AHRR: variants seen among roughly 807,000 people sequenced by gnomAD.
AHRR encodes aryl hydrocarbon receptor repressor.
A neutral mutation model predicts 44.0 loss-of-function variants in AHRR; 28 were observed. The observed-to-expected ratio is 0.64, with a 90% CI of 0.47 to 0.87. The LOEUF (loss-of-function observed/expected upper bound fraction) is 0.87, where lower values mean the gene tolerates loss of function less well. AHRR is among the 40% of genes least tolerant of loss of function. The pLI, the probability that AHRR is intolerant of heterozygous loss-of-function variation, is 0.00. For missense variants in AHRR, 990 were observed against 953.9 expected (o/e 1.04, Z -0.50); for synonymous variants, 434 against 407.0 (o/e 1.07, Z -0.80).
At chr5:414,080 T>C (rs577665586) in intron 5 of AHRR, among the ~76,000 whole-genome samples, 3 of 152,242 alleles carry the variant, frequency 2.0e-5, no homozygotes, top group Middle Eastern at 3.4e-3. Flanking sequence ...CTGGCCAACA[T>C]GGTGAAACCC....
intron 5 of AHRR, among the ~76,000 whole-genome samples, chr5:420,306 C>T (rs1736013421): frequency 1.3e-5 from 2 of 152,220 alleles, no homozygotes. Flanking sequence ...TCCTTACTAG[C>T]CCCTGAATTA....
Position 404,058 on chromosome 5 carries a change from A to C in AHRR, c.352-9286A>C. 1 of 702,878 alleles carries C rather than the reference A, an allele frequency of 1.4e-6. No individual in the cohort carries two copies. Among genetic ancestry groups the C allele is most frequent in the Non-Finnish European group, 2.6e-6 (1 of 385,310 alleles). 43.5% of individuals were successfully genotyped at this position (702,878 alleles called of 1,614,324 possible). On this transcript the variant is annotated intron_variant, in intron 4 of 10. Coordinates refer to ENST00000684583, the MANE Select transcript of AHRR (RefSeq NM_001377236.1). The surrounding 1 kb of genome is among the most constrained non-coding windows in gnomAD (Gnocchi z 4.1). ...TCTGTTTAGTCTTTGCATCCAAATCATGTTGTCCAGCGTTTGAAGAAAAAG... is the reference window on the plus strand; with the variant it reads ...TCTGTTTAGTCTTTGCATCCAAATCCTGTTGTCCAGCGTTTGAAGAAAAAG...
chr5:376,552 A>ATGAGAACCGGGGGGTGAACGCGGG, intron 3 of AHRR, 58 bp from the exon 4 acceptor site: 2 of 1,411,508 alleles, frequency 1.4e-6, no homozygotes, highest in Admixed American at 2.3e-5. Context: ...ATGTGAATGA[A>ATGAGAACCGGGGGGTGAACGCGGG]GAAGAGTGGC....
At chr5:403,529 G>A (rs569824377) in intron 4 of AHRR, among the ~76,000 whole-genome samples, 12 of 151,856 alleles carry the variant, frequency 7.9e-5, no homozygotes, top group East Asian at 3.9e-4. Flanking sequence ...CCAGCTACTC[G>A]GGAGGCTGCA....
chr5:324,589 C>T (rs1741637911), intron 1 of AHRR, among the ~76,000 whole-genome samples: 1 of 151,522 alleles, frequency 6.6e-6, no homozygotes, highest in Non-Finnish European at 1.5e-5. Context: ...AGTTCGAGAC[C>T]AGCCTGACCA....
At chr5:420,592 A>C (rs1006669373) in intron 5 of AHRR, among the ~76,000 whole-genome samples, 3 of 152,222 alleles carry the variant, frequency 2.0e-5, no homozygotes, top group African/African-American at 4.8e-5. Flanking sequence ...AACAGGGCAG[A>C]GCTAGACCCA....
At chr5:348,071 C>A (rs1356543116) in intron 2 of AHRR, among the ~76,000 whole-genome samples, 1 of 152,236 alleles carries the variant, frequency 6.6e-6, no homozygotes, top group Non-Finnish European at 1.5e-5. Flanking sequence ...GCACTGAGTG[C>A]AGGGGGCAGC....
intron 4 of AHRR, among the ~76,000 whole-genome samples, chr5:377,711 G>A (rs781776512): frequency 3.9e-5 from 6 of 152,220 alleles, no homozygotes; most frequent in Admixed American, 2.6e-4. Context: ...CTCTGTCCCC[G>A]CTAGTGAATG....
chr5:392,427 G>A (rs1250191438), intron 4 of AHRR, among the ~76,000 whole-genome samples: 6 of 147,362 alleles, frequency 4.1e-5, no homozygotes, highest in South Asian at 2.2e-4. Flanking sequence ...ACGAACACAC[G>A]GGTGCAGGGC....
chr5:428,152 AT>A, intron 8 of AHRR, 146 bp downstream of exon 8: 3 of 955,606 alleles, frequency 3.1e-6, no homozygotes, highest in Non-Finnish European at 3.1e-6. Context: ...ATTACACAAC[AT>A]AGGCAGCAGC....
intron 1 of AHRR, among the ~76,000 whole-genome samples, chr5:323,586 G>A (rs1741582275): frequency 6.6e-6 from 1 of 152,192 alleles, no homozygotes; most frequent in Admixed American, 6.5e-5. Flanking sequence ...CATGTGGCCT[G>A]GTGTTCCCGG....
At position 433,967 on chromosome 5, in the gene AHRR, G is replaced by A. The variant is rs1397337471; in HGVS notation, c.1227G>A (p.Glu409=). 6.4e-7 allele frequency: 1 copy of A among 1,561,764 alleles called. No homozygotes were observed. Among genetic ancestry groups the A allele is most frequent in the Non-Finnish European group, 8.7e-7 (1 of 1,154,006 alleles). Residue 409 remains glutamate, a synonymous_variant, in exon 11 of 11, where the codon GAG becomes GAA. Transcript: ENST00000684583. ...PLPWTAGKHS[E]DGARPRLQPS... ...CCTGGACAGCGGGAAAGCACAGTGA[G>A]GATGGTGCCAGGCCGAGGCTGCAGC... is the stretch of plus-strand genomic sequence containing the variant.
chr5:420,122 C>G (rs1045879660), intron 5 of AHRR, among the ~76,000 whole-genome samples: 25 of 152,230 alleles, frequency 1.6e-4, no homozygotes, highest in African/African-American at 5.3e-4. Flanking sequence ...CATAGAGCGG[C>G]AGAACCGTGC....
chr5:398,882 T>A (rs954763144), intron 4 of AHRR, among the ~76,000 whole-genome samples: 2 of 152,046 alleles, frequency 1.3e-5, no homozygotes, highest in Non-Finnish European at 2.9e-5. Context: ...CTGTTCTGGG[T>A]GGATTTTCCC....
At chr5:430,987 C>T (rs998238886) in intron 8 of AHRR, among the ~76,000 whole-genome samples, 7 of 152,188 alleles carry the variant, frequency 4.6e-5, no homozygotes, top group Non-Finnish European at 1.0e-4. Context: ...GGGCTCGGGC[C>T]CAGGTCTTCC....
intron 5 of AHRR, among the ~76,000 whole-genome samples, chr5:417,487 G>A (rs895238885): frequency 2.0e-5 from 3 of 152,224 alleles, no homozygotes; most frequent in East Asian, 3.8e-4. Flanking sequence ...AAGGCCGCTT[G>A]GTCTGCCTTC....
chr5:422,856 C>T lies in AHRR; in HGVS notation c.569C>T (p.Thr190Ile), dbSNP rs747743842. ...TTTGGGCAGCCCCCGCCCTTGGAGA[C>T]AGGTGGGTGTCTGGGGTCCAAGTGA... ...VVFGQPPPLE[T>I]GDDAILGRLL... is the part of the protein sequence containing the mutation. Residue 190 changes from threonine to isoleucine, a missense_variant and splice_region_variant, in exon 6 of 11, where the codon ACA becomes ATA. Coordinates refer to ENST00000684583, the MANE Select transcript of AHRR (RefSeq NM_001377236.1). The T allele has an allele frequency of 6.2e-7, 1 of 1,609,644 alleles. No homozygotes were observed. The highest frequency in any genetic ancestry group is 1.7e-5 in the Admixed American group (1 of 59,496).
intron 6 of AHRR, 115 bp from the exon 7 acceptor site, chr5:423,726 A>G: frequency 7.4e-7 from 1 of 1,350,334 alleles, no homozygotes; most frequent in Non-Finnish European, 9.8e-7. Flanking sequence ...GGAGGATGGC[A>G]CAGTGATAGG....
intron 4 of AHRR, among the ~76,000 whole-genome samples, chr5:381,118 G>A (rs1013118659): frequency 4.6e-5 from 7 of 152,228 alleles, no homozygotes; most frequent in African/African-American, 1.7e-4. Context: ...TCCTCTTCTT[G>A]TGCCTGTTTT....
Sources: allele counts gnomAD v4.1 joint callset (sites outside exome capture counted in the v4.1 genomes callset), GRCh38; gene constraint gnomAD v4.1.1; non-coding constraint Gnocchi (gnomAD v3.1); transcripts MANE v1.5; gene names NCBI Gene and HGNC (gene_info 2026-07-23, HGNC 2026-07-21).